Variants in ASIP observed in about 807,000 individuals in gnomAD.
The protein encoded by ASIP is agouti signaling protein.
In ASIP, 11 loss-of-function variants were observed where a neutral mutation model predicts 10.3. The ratio of observed to expected loss-of-function variants is 1.07; its 90% CI spans 0.68 to 1.78. The LOEUF is 1.78. Among genes scored for constraint, ASIP ranks in the 40% most tolerant of loss-of-function variants. ASIP has a pLI of 0.00. For synonymous variants in ASIP, 70 were observed against 70.8 expected (o/e 0.99, Z 0.06); for missense variants, 180 against 169.2 (o/e 1.06, Z -0.35).
intron 1 of ASIP, among the ~76,000 whole-genome samples, chr20:34,227,095 A>T (rs2035098339): frequency 6.6e-6 from 1 of 152,198 alleles, no homozygotes; most frequent in Admixed American, 6.5e-5. Context: ...TAAAAAATCC[A>T]ATGAAGTCCT....
chr20:34,241,830 A>G (rs2035288280), intron 1 of ASIP, among the ~76,000 whole-genome samples: 1 of 152,212 alleles, frequency 6.6e-6, no homozygotes, highest in African/African-American at 2.4e-5. Flanking sequence ...ATGTCTTCAG[A>G]AAGTTGCTTG....
At chr20:34,238,974 G>C (rs926140219), upstream of ASIP, among the ~76,000 whole-genome samples, 3 of 152,066 alleles carry the variant, frequency 2.0e-5, no homozygotes, top group African/African-American at 7.2e-5. Context: ...ACAAGTTTTG[G>C]TTAGGTAAGG....
chr20:34,218,819 C>T (rs1267944690), intron 1 of ASIP, among the ~76,000 whole-genome samples: 2 of 152,086 alleles, frequency 1.3e-5, no homozygotes, highest in African/African-American at 4.8e-5. Context: ...CCCGCCACCA[C>T]GCCCAGCTAA....
At chr20:34,215,640 A>T (rs1313254597) in intron 1 of ASIP, 12 of 1,473,118 alleles carry the variant, frequency 8.1e-6, no homozygotes, top group Non-Finnish European at 9.5e-6. Flanking sequence ...TGCAGCCATG[A>T]TATGAGCGTC....
At chr20:34,201,990 T>C (rs1256852094) in intron 1 of ASIP, among the ~76,000 whole-genome samples, 2 of 152,108 alleles carry the variant, frequency 1.3e-5, no homozygotes, top group African/African-American at 4.8e-5. Flanking sequence ...GTTATCCTAA[T>C]AGAGTAATTC....
chr20:34,207,326 C>T (rs1486573565), intron 1 of ASIP, among the ~76,000 whole-genome samples: 2 of 152,136 alleles, frequency 1.3e-5, no homozygotes, highest in African/African-American at 4.8e-5. Context: ...TACTCATATG[C>T]CTGTTGGCCC....
rs2035059738 is a variant in ASIP, at chr20:34,222,955, A to G, written c.-11+28195A>G. Among the ~76,000 whole-genome samples the G allele has an allele frequency of 2.0e-5, 3 of 152,208 alleles. No homozygotes were observed. In the South Asian group the frequency reaches 6.2e-4, roughly 32 times the overall value. ...CTCAATGGTGCCCAGGCTGGAGTGCAGTGGCGTGATCTCGGCTCACTACAA... is the reference window on the plus strand; with the variant it reads ...CTCAATGGTGCCCAGGCTGGAGTGCGGTGGCGTGATCTCGGCTCACTACAA... On this transcript the variant is annotated intron_variant, in intron 1 of 3. Coordinates refer to the ASIP transcript ENST00000568305.
At chr20:34,246,823 TC>T (rs2035383952) in intron 1 of ASIP, among the ~76,000 whole-genome samples, 1 of 152,158 alleles carries the variant, frequency 6.6e-6, no homozygotes, top group Non-Finnish European at 1.5e-5. Context: ...TAACTCCAAT[TC>T]CCACAACTCT....
rs561725362 is a variant in ASIP at position 34,259,379 on chromosome 20, G to C, written c.-10-986G>C. Among the ~76,000 whole-genome samples the C allele has an allele frequency of 4.3e-4, 65 of 151,868 alleles. 1 individual carries two copies. Among genetic ancestry groups the C allele is most frequent in the African/African-American group, 1.4e-3 (57 of 41,382 alleles). ...AATACAAAAATTAGCCAGGTGTGGTGGTGGGCACCTGTAATCCCAGCTACT... is the reference window on the plus strand; with the variant it reads ...AATACAAAAATTAGCCAGGTGTGGTCGTGGGCACCTGTAATCCCAGCTACT... On this transcript the variant is annotated intron_variant, in intron 1 of 3. Transcript: ENST00000374954.
At chr20:34,221,219 A>T (rs111736531) in intron 1 of ASIP, among the ~76,000 whole-genome samples, 2 of 151,892 alleles carry the variant, frequency 1.3e-5, no homozygotes, top group Non-Finnish European at 2.9e-5. Flanking sequence ...TCTACTAAAA[A>T]TACAGAAAAT....
chr20:34,259,699 G>A (rs1043906169), intron 1 of ASIP, among the ~76,000 whole-genome samples: 2 of 150,850 alleles, frequency 1.3e-5, no homozygotes, highest in South Asian at 2.1e-4. Context: ...GCAGTGAGCC[G>A]AGATTATGCC....
chr20:34,218,619 A>T (rs566953964), intron 1 of ASIP, among the ~76,000 whole-genome samples: 1 of 152,116 alleles, frequency 6.6e-6, no homozygotes, highest in South Asian at 2.1e-4. Flanking sequence ...GCTGTCATTT[A>T]ACAGGGGGAA....
intron 1 of ASIP, 42 bp from the exon 2 acceptor site, chr20:34,260,323 C>T (rs370365642): frequency 1.1e-4 from 178 of 1,583,724 alleles, no homozygotes; most frequent in Non-Finnish European, 1.4e-4. Flanking sequence ...CTTACCATTA[C>T]CCCTGACCCA....
chr20:34,234,800 C>T (rs6059732), intron 1 of ASIP: 17,639 of 152,010 alleles, frequency 0.12, 1,086 homozygotes, highest in South Asian at 0.19. Context: ...GGTGACAGAG[C>T]GAGACTCAGA....
intron 1 of ASIP, among the ~76,000 whole-genome samples, chr20:34,207,874 C>G (rs2034947735): frequency 6.6e-6 from 1 of 151,982 alleles, no homozygotes; most frequent in African/African-American, 2.4e-5. Context: ...ACTGCAAGCT[C>G]CGCCTTCCAG....
intron 1 of ASIP, among the ~76,000 whole-genome samples, chr20:34,259,259 A>G (rs968685891): frequency 6.6e-6 from 1 of 151,646 alleles, no homozygotes; most frequent in Non-Finnish European, 1.5e-5. Flanking sequence ...GTTAGAAAAT[A>G]TAGGCCAGGT....
upstream of ASIP, among the ~76,000 whole-genome samples, chr20:34,240,916 T>A (rs1439869168): frequency 6.6e-6 from 1 of 152,076 alleles, no homozygotes; most frequent in African/African-American, 2.4e-5. Context: ...GCAACCAGAA[T>A]GAGTATGAAG....
At chr20:34,213,399 G>GGT in intron 1 of ASIP, 1 of 686,760 alleles carries the variant, frequency 1.5e-6, no homozygotes, top group Non-Finnish European at 2.5e-6. Flanking sequence ...GTGGAGTGTT[G>GGT]CTATAACCAA....
chr20:34,250,370 A>G lies in ASIP; in HGVS notation c.-11+8881A>G, dbSNP rs187316257. 1.3e-3 allele frequency among the ~76,000 whole-genome samples: 193 copies of G among 152,358 alleles called. 1 individual carries two copies. Among genetic ancestry groups the G allele is most frequent in the Non-Finnish European group, 1.5e-4 (10 of 68,036 alleles). ...ACAAAAAATACTAAAACAATGCTAAAATAAAAATTAAAAGGGGAGCCAGGT... is the reference window on the plus strand; with the variant it reads ...ACAAAAAATACTAAAACAATGCTAAGATAAAAATTAAAAGGGGAGCCAGGT... On this transcript the variant is annotated intron_variant, in intron 1 of 3. Coordinates refer to ENST00000374954, the MANE Select transcript of ASIP (RefSeq NM_001672.3).
Sources: allele counts gnomAD v4.1 joint callset (sites outside exome capture counted in the v4.1 genomes callset), GRCh38; gene constraint gnomAD v4.1.1; transcripts MANE v1.5; gene names NCBI Gene and HGNC (gene_info 2026-07-23, HGNC 2026-07-21).